CFAP77: variants seen among roughly 807,000 people sequenced by gnomAD.
The protein encoded by CFAP77 is cilia- and flagella-associated protein 77.
Under a neutral mutation model 31.1 loss-of-function variants are expected in CFAP77, and 25 were observed. The observed-to-expected ratio is 0.80, with a 90% confidence interval of 0.59 to 1.12. The LOEUF (loss-of-function observed/expected upper bound fraction) is 1.12. Ranked by LOEUF, CFAP77 falls within the 50% of genes most tolerant of loss-of-function variation. The pLI is 0.00. For missense variants in CFAP77, 377 were observed against 397.3 expected, an observed-to-expected ratio of 0.95 and a Z score of 0.44; for synonymous variants, 151 against 159.9, an observed-to-expected ratio of 0.94 and a Z score of 0.42.
rs1380852913 is a variant in CFAP77 at position 132,424,825 on chromosome 9, A to AGC, written c.195+14361_195+14362dup. Among the ~76,000 whole-genome samples the AGC allele has an allele frequency of 6.6e-6, 1 of 152,236 alleles. No homozygotes were observed. Among genetic ancestry groups the AGC allele is most frequent in the East Asian group, 1.9e-4 (1 of 5,196 alleles). On this transcript the variant is annotated intron_variant, in intron 1 of 5. Transcript: ENST00000393216. This position sits in a 1 kb window ranked among gnomAD's most constrained non-coding sequence, Gnocchi z 4.1. ...CAAAACCTCCATCAAGGCTGAGCAG[A>AGC]GCGGCCTCCCCCTTTTCAAAGGAAA...
chr9:132,426,012 A>C (rs1444881293), intron 1 of CFAP77, among the ~76,000 whole-genome samples: 1 of 152,212 alleles, frequency 6.6e-6, no homozygotes, highest in Non-Finnish European at 1.5e-5. Context: ...TGACTTGTTC[A>C]ATTGTTACCT....
In CFAP77 at chr9:132,475,337, G is replaced by A. The variant is rs541602453; in HGVS notation, c.196-23358G>A. On this transcript the variant is annotated intron_variant, in intron 1 of 5. Transcript: ENST00000393216. ...TCATGCATCTTGGGAAATAGACACT[G>A]GGCCTGAGCAGATGTTGAATTCTTG... Among the ~76,000 whole-genome samples, 4 of 152,308 alleles carry A rather than the reference G, an allele frequency of 2.6e-5. No homozygotes were observed. In the South Asian group the frequency reaches 8.3e-4, roughly 32 times the overall value.
intron 3 of CFAP77, among the ~76,000 whole-genome samples, chr9:132,519,969 C>T (rs1010383633): frequency 4.0e-5 from 6 of 151,668 alleles, no homozygotes; most frequent in African/African-American, 9.7e-5. Flanking sequence ...GATGGACTAA[C>T]GAACGAGTGA....
chr9:132,411,718 C>T (rs1252296031), intron 1 of CFAP77, among the ~76,000 whole-genome samples: 1 of 152,196 alleles, frequency 6.6e-6, no homozygotes, highest in Non-Finnish European at 1.5e-5. Context: ...CCACCTCTGA[C>T]TACCTGCATT....
intron 1 of CFAP77, among the ~76,000 whole-genome samples, chr9:132,425,286 G>A (rs919591218): frequency 6.6e-6 from 1 of 152,064 alleles, no homozygotes; most frequent in Non-Finnish European, 1.5e-5. Flanking sequence ...GGAAGGATCC[G>A]AAATAGGCTC....
chr9:132,529,852 A>G lies in CFAP77; in HGVS notation c.525-7749A>G, dbSNP rs1490927556. Among the ~76,000 whole-genome samples, 16 of 151,672 alleles carry G rather than the reference A, an allele frequency of 1.1e-4. No homozygotes were observed. In the South Asian group the frequency reaches 2.1e-3, roughly 20 times the overall value. On this transcript the variant is annotated intron_variant, in intron 3 of 5. Transcript: ENST00000393216. ...AAAAAAAAAAAGAAAAGAAAAGAAA[A>G]GAAAAAGAAACTGCCAAACAGTTTT...
At chr9:132,423,520 A>G (rs1256428935) in intron 1 of CFAP77, among the ~76,000 whole-genome samples, 1 of 152,142 alleles carries the variant, frequency 6.6e-6, no homozygotes, top group Non-Finnish European at 1.5e-5. Context: ...CATTTTACAG[A>G]TGGGGAAGCC....
chr9:132,482,403 A>G, intron 1 of CFAP77: 2 of 1,612,758 alleles, frequency 1.2e-6, no homozygotes, highest in East Asian at 2.2e-5. Context: ...ACACCACATC[A>G]AAGGAGGCCC....
At chr9:132,467,051 G>A (rs984535638) in intron 1 of CFAP77, among the ~76,000 whole-genome samples, 4 of 152,188 alleles carry the variant, frequency 2.6e-5, no homozygotes, top group Admixed American at 6.5e-5. Flanking sequence ...GGTGGCATAC[G>A]CCTGTAATCC....
intron 3 of CFAP77, among the ~76,000 whole-genome samples, chr9:132,536,283 C>T (rs1225934967): frequency 1.3e-5 from 2 of 151,944 alleles, no homozygotes; most frequent in Admixed American, 6.6e-5. Context: ...GTAGAGACCA[C>T]AGTCTGACTT....
Position 132,552,811 on chromosome 9 carries a change from A to C in CFAP77, c.732+9764A>C, listed in dbSNP as rs561750292. Among the ~76,000 whole-genome samples, 1 of 152,096 alleles carries C rather than the reference A, an allele frequency of 6.6e-6. No homozygotes were observed. The highest frequency in any genetic ancestry group is 1.5e-5 in the Non-Finnish European group (1 of 68,016). On this transcript the variant is annotated intron_variant, in intron 5 of 5. Coordinates refer to ENST00000393216, the MANE Select transcript of CFAP77 (RefSeq NM_001282957.2). The surrounding 1 kb of genome is among the most constrained non-coding windows in gnomAD (Gnocchi z 5.5). The stretch of plus-strand genomic sequence containing the variant: ...GCCAGCTGCCCCAGCTCTCAGGGTC[A>C]GTGTCAACTCCACTCTTACAGTTAC...
chr9:132,519,649 T>G, intron 3 of CFAP77, among the ~76,000 whole-genome samples: 1 of 104,268 alleles, frequency 9.6e-6, no homozygotes. Flanking sequence ...GGCAGATGGA[T>G]GGATGGATGG....
At position 132,486,086 on chromosome 9, in the gene CFAP77, ATATATT is replaced by A. The variant is rs1564223259; in HGVS notation, c.196-12607_196-12602del. ...TGTGTGTATATATATATATATATAT[ATATATT>A]TTTTTTTTTTTTTTTTTTGAGACGG... On this transcript the variant is annotated intron_variant, in intron 1 of 5. Transcript: ENST00000393216. 3.4e-4 allele frequency among the ~76,000 whole-genome samples: 6 copies of A among 17,612 alleles called. 1 individual carries two copies. The highest frequency in any genetic ancestry group is 2.3e-3 in the African/African-American group (5 of 2,168). 11.6% of individuals were successfully genotyped at this position (17,612 alleles called of 152,430 possible). A position where few individuals can be genotyped will look rare whatever the true frequency, so the allele number is the denominator to read the frequency against.
chr9:132,551,502 G>A (rs1170861297), intron 5 of CFAP77, among the ~76,000 whole-genome samples: 1 of 151,938 alleles, frequency 6.6e-6, no homozygotes, highest in African/African-American at 2.4e-5. Flanking sequence ...TGCCATGTTG[G>A]CCAGGCTGGT....
intron 1 of CFAP77, chr9:132,482,474 GC>G (rs1451938163): frequency 3.6e-6 from 5 of 1,401,098 alleles, no homozygotes; most frequent in Non-Finnish European, 5.0e-6. Context: ...GAAAAGAGGG[GC>G]CCCTCCCGGC....
At chr9:132,533,329 T>C (rs1054911544) in intron 3 of CFAP77, among the ~76,000 whole-genome samples, 2 of 152,176 alleles carry the variant, frequency 1.3e-5, no homozygotes, top group African/African-American at 4.8e-5. Flanking sequence ...AACCCCTGTG[T>C]ACGAGTGTCC....
At chr9:132,508,248 T>A (rs2118986637) in intron 3 of CFAP77, among the ~76,000 whole-genome samples, 1 of 152,276 alleles carries the variant, frequency 6.6e-6, no homozygotes, top group African/African-American at 2.4e-5. Flanking sequence ...TGCAGTGCAG[T>A]GATGCTGCCT....
rs1482657507 is a variant in CFAP77 at position 132,438,978 on chromosome 9, C to A, written c.195+28512C>A. ...GCAACCTCTGCCTCCCGGGTTCAAG[C>A]GATTCTCCCACCTCAGCCTCCTGAG... On this transcript the variant is annotated intron_variant, in intron 1 of 5. Transcript: ENST00000393216. Among the ~76,000 whole-genome samples the A allele has an allele frequency of 1.3e-5, 2 of 151,298 alleles. 1 individual carries two copies. Among genetic ancestry groups the A allele is most frequent in the Middle Eastern group, 6.4e-3 (2 of 314 alleles).
chr9:132,457,747 G>T (rs990604880), intron 1 of CFAP77, among the ~76,000 whole-genome samples: 8 of 152,196 alleles, frequency 5.3e-5, no homozygotes, highest in South Asian at 4.1e-4. Flanking sequence ...TCCGGCAGTC[G>T]AAAACAAACT....
Sources: gnomAD v4.1 joint callset for allele counts (sites outside exome capture counted in the v4.1 genomes callset) on GRCh38, gnomAD v4.1.1 for gene constraint, Gnocchi (gnomAD v3.1) non-coding constraint, MANE v1.5 for transcripts, NCBI Gene and HGNC (gene_info 2026-07-23, HGNC 2026-07-21) for gene names.